ECSIT: variants seen among roughly 807,000 people sequenced by gnomAD.
The protein encoded by ECSIT is evolutionarily conserved signaling intermediate in Toll pathway, mitochondrial.
In ECSIT, 29 loss-of-function variants were observed where a neutral mutation model predicts 36.8. The ratio of observed to expected loss-of-function variants is 0.79; its 90% CI spans 0.59 to 1.08. ECSIT has a LOEUF of 1.08. Among genes scored for constraint, ECSIT ranks in the 50% least tolerant of loss-of-function variants. The probability of loss-of-function intolerance (pLI) is 0.00; values close to 1 mark genes in which losing one functional copy is unlikely to be tolerated. For synonymous variants in ECSIT, 231 were observed against 234.8 expected (o/e 0.98, Z 0.15); for missense variants, 542 against 581.0 (o/e 0.93, Z 0.69).
rs1352746347 is a variant in ECSIT at position 11,513,804 on chromosome 19, C to T, written c.514G>A (p.Gly172Ser). ...IAVLEQMENHGVMPNKETEFL... is the reference protein window; with the variant it reads ...IAVLEQMENHSVMPNKETEFL... ...CCCTGCGCCAGCCTCCTGGCCTCAC[C>T]GTGGTTCTCCATCTGCTCCAGGACA... Residue 172 changes from glycine (G) to serine (S), a missense_variant and splice_region_variant, in exon 3 of 8, where the codon GGT becomes AGT. By Grantham distance (56) the Gly-to-Ser change is moderately conservative (BLOSUM62 0). Coordinates refer to ENST00000270517, the MANE Select transcript of ECSIT (RefSeq NM_016581.5). 8.7e-6 allele frequency: 14 copies of T among 1,613,774 alleles called. No individual in the cohort carries two copies. The highest frequency in any genetic ancestry group is 1.3e-5 in the African/African-American group (1 of 74,876).
rs754972637 is a variant in ECSIT, at chr19:11,519,081, G to A, written c.90C>T (p.Ile30=). Residue 30 remains isoleucine (I), a synonymous_variant, in exon 2 of 8, where the codon ATC becomes ATT. Coordinates refer to ENST00000270517, the MANE Select transcript of ECSIT (RefSeq NM_016581.5). The surrounding 1 kb of genome is among the most constrained non-coding windows in gnomAD (Gnocchi z 4.4). ...TCGAALTGTS[I]SQVPRRLPRG... ...CTGCCTGGCTGGTGCTTACCTGAGA[G>A]ATGGAGGTTCCTGTGAGGGCGGCCC... 23 of 1,551,424 alleles carry A rather than the reference G, an allele frequency of 1.5e-5. No individual in the cohort carries two copies. The African/African-American group carries it at 3.0e-4, about 20-fold the overall frequency.
intron 1 of ECSIT, among the ~76,000 whole-genome samples, chr19:11,522,979 G>C (rs958474316): frequency 3.3e-5 from 5 of 151,866 alleles, no homozygotes; most frequent in East Asian, 1.9e-4. Context: ...GCTGAGGCAG[G>C]AGAATGGTGT....
intron 4 of ECSIT, 151 bp from the exon 5 acceptor site, chr19:11,508,199 G>A: frequency 2.2e-6 from 2 of 917,754 alleles, no homozygotes; most frequent in Non-Finnish European, 1.7e-6. Flanking sequence ...TCCTCCCTCT[G>A]TCCCATTTGG....
In ECSIT at chr19:11,514,067, C is replaced by T. The variant is rs780047805; in HGVS notation, c.251G>A (p.Arg84Gln). 1.1e-4 allele frequency: 171 copies of T among 1,614,056 alleles called. 2 individuals are homozygous for T. The highest frequency in any genetic ancestry group is 1.4e-4 in the Non-Finnish European group (166 of 1,180,016). Residue 84 changes from arginine (R) to glutamine (Q), a missense_variant, in exon 3 of 8, where the codon CGG becomes CAG. Transcript: ENST00000270517. ...DLFGQAPGGERDKASFLQTVQ... is the reference protein window; with the variant it reads ...DLFGQAPGGEQDKASFLQTVQ... ...CGTCTGCAGGAAGCTCGCCTTGTCC[C>T]GTTCCCCACCAGGCGCCTGCCCAAA...
intron 4 of ECSIT, among the ~76,000 whole-genome samples, chr19:11,511,589 G>A (rs1200414912): frequency 6.6e-6 from 1 of 152,166 alleles, no homozygotes; most frequent in African/African-American, 2.4e-5. Flanking sequence ...AGAAGGATGG[G>A]AGGGTGCTAT....
chr19:11,523,092 C>G (rs1386234777), intron 1 of ECSIT, among the ~76,000 whole-genome samples: 1 of 152,022 alleles, frequency 6.6e-6, no homozygotes, highest in African/African-American at 2.4e-5. Flanking sequence ...ATGTGCCTGC[C>G]TCTCCATCTA....
At chr19:11,506,985 T>A (rs1240977169) in intron 7 of ECSIT, among the ~76,000 whole-genome samples, 2 of 152,202 alleles carry the variant, frequency 1.3e-5, no homozygotes, top group East Asian at 1.9e-4. Flanking sequence ...CATGCTCCTC[T>A]CCTAAGCTCC....
chr19:11,515,964 CA>C (rs1476809408), intron 2 of ECSIT: 1 of 152,142 alleles, frequency 6.6e-6, no homozygotes, highest in Non-Finnish European at 1.5e-5. Context: ...GACGGGGTTT[CA>C]CCATGTTGGC....
chr19:11,508,265 C>A (rs1971798256), intron 4 of ECSIT, among the ~76,000 whole-genome samples: 1 of 152,114 alleles, frequency 6.6e-6, no homozygotes, highest in African/African-American at 2.4e-5. Context: ...TAGAACCAGC[C>A]CACCTTTGTC....
chr19:11,509,747 G>A (rs1395472215), intron 4 of ECSIT, among the ~76,000 whole-genome samples: 1 of 151,868 alleles, frequency 6.6e-6, no homozygotes, highest in African/African-American at 2.4e-5. Flanking sequence ...CAGCATGGGC[G>A]ACAGAGCAAG....
At chr19:11,511,023 C>T (rs777422766) in intron 4 of ECSIT, among the ~76,000 whole-genome samples, 1 of 151,992 alleles carries the variant, frequency 6.6e-6, no homozygotes, top group Non-Finnish European at 1.5e-5. Flanking sequence ...CACTGCACCG[C>T]ATTTCCTGGT....
At chr19:11,523,535 G>A in intron 1 of ECSIT, 4 of 1,093,770 alleles carry the variant, frequency 3.7e-6, no homozygotes, top group Non-Finnish European at 2.7e-6. Flanking sequence ...CCTAGCACGT[G>A]GAATCTGTGA....
At chr19:11,520,329 G>A (rs1196272947) in intron 1 of ECSIT, among the ~76,000 whole-genome samples, 2 of 151,472 alleles carry the variant, frequency 1.3e-5, no homozygotes, top group Non-Finnish European at 2.9e-5. Flanking sequence ...ATGCCACCAC[G>A]CCCGGCTAAT....
chr19:11,509,767 C>T (rs1971833432), intron 4 of ECSIT, among the ~76,000 whole-genome samples: 1 of 149,832 alleles, frequency 6.7e-6, no homozygotes, highest in South Asian at 2.1e-4. Context: ...GGCTCTGTCT[C>T]AAAAAAACAA....
chr19:11,512,742 C>G (rs891895037), intron 4 of ECSIT, among the ~76,000 whole-genome samples: 3 of 151,772 alleles, frequency 2.0e-5, no homozygotes, highest in Admixed American at 2.0e-4. Context: ...CAAGGCCAGC[C>G]TGGGCAATAT....
intron 4 of ECSIT, among the ~76,000 whole-genome samples, chr19:11,508,652 A>G (rs1971808793): frequency 6.6e-6 from 1 of 152,060 alleles, no homozygotes; most frequent in African/African-American, 2.4e-5. Flanking sequence ...TCCTGGGTTC[A>G]AGCGATTCTC....
intron 4 of ECSIT, chr19:11,510,766 C>T (rs1311361765): frequency 6.6e-6 from 1 of 151,770 alleles, no homozygotes; most frequent in Non-Finnish European, 1.5e-5. Flanking sequence ...AACCCTCCCC[C>T]CCACATTCTG....
Position 11,507,799 on chromosome 19 carries a change from C to A in ECSIT, c.848G>T (p.Arg283Leu). Residue 283 changes from arginine (R) to leucine (L), a missense_variant, in exon 6 of 8, where the codon CGG (arginine) becomes CTG (leucine). Coordinates refer to ENST00000270517, the MANE Select transcript of ECSIT (RefSeq NM_016581.5). The stretch of plus-strand genomic sequence containing the variant: ...GAAGGGGCCCTCAACAAAGACAGGC[C>A]GGGCTGGATTGTGGCGGGCCAGGGC... ...QAALARHNPA[R>L]PVFVEGPFSL... The A allele has an allele frequency of 6.2e-7, 1 of 1,614,084 alleles. No homozygotes were observed. The highest frequency in any genetic ancestry group is 8.5e-7 in the Non-Finnish European group (1 of 1,180,040).
chr19:11,524,746 G>A (rs1599591898), intron 1 of ECSIT, among the ~76,000 whole-genome samples: 1 of 152,004 alleles, frequency 6.6e-6, no homozygotes, highest in South Asian at 2.1e-4. Flanking sequence ...GATCACTTGA[G>A]CCCAGCAGTT....
Sources: allele counts gnomAD v4.1 joint callset (sites outside exome capture counted in the v4.1 genomes callset), GRCh38; gene constraint gnomAD v4.1.1; non-coding constraint Gnocchi (gnomAD v3.1); transcripts MANE v1.5; gene names NCBI Gene and HGNC (gene_info 2026-07-23, HGNC 2026-07-21).